Variants in RYR3 observed in about 807,000 individuals in gnomAD.
The protein encoded by RYR3 is brain ryanodine receptor-calcium release channel.
RYR3 carries 207 observed loss-of-function variants against 584.3 expected under a neutral mutation model. That is an observed-to-expected ratio of 0.35 (90% CI 0.32 to 0.40). The LOEUF (loss-of-function observed/expected upper bound fraction) is 0.40, where lower values mean the gene tolerates loss of function less well. Among genes scored for constraint, RYR3 ranks in the 10% least tolerant of loss-of-function variants. RYR3 has a pLI of 1.00. For synonymous variants in RYR3, 2,416 were observed against 2,248.5 expected (o/e 1.07, Z -2.11); for missense variants, 5,616 against 6,089.2 (o/e 0.92, Z 2.59).
In RYR3 at chr15:33,739,824, C is replaced by T; in HGVS notation, c.7657-8C>T. On this transcript the variant is annotated splice_polypyrimidine_tract_variant and splice_region_variant and intron_variant, in intron 50 of 103. Transcript: ENST00000634891. ...CTCTACTAATGTGGCCTTGTTTTTC[C>T]CTCACAGAAATATGACCCAGATCTT... is the stretch of plus-strand genomic sequence containing the variant. 6.2e-7 allele frequency: 1 copy of T among 1,610,520 alleles called. No individual in the cohort carries two copies. The highest frequency in any genetic ancestry group is 8.5e-7 in the Non-Finnish European group (1 of 1,177,820).
chr15:33,606,783 G>A (rs2059929534), intron 18 of RYR3, among the ~76,000 whole-genome samples: 1 of 152,066 alleles, frequency 6.6e-6, no homozygotes, highest in African/African-American at 2.4e-5. Context: ...TTACTGGCTG[G>A]GGGAAGTTTC....
chr15:33,780,173 G>C, intron 64 of RYR3, 38 bp from the exon 65 acceptor site: 2 of 1,605,172 alleles, frequency 1.2e-6, no homozygotes, highest in Non-Finnish European at 1.7e-6. Flanking sequence ...GCCAGCATGT[G>C]GGGGGCCACA....
chr15:33,841,975 G>C lies in RYR3; in HGVS notation c.13149G>C (p.Lys4383Asn). ...KKRRCGQKVE[K>N]PEAFTANFFK... ...GGCGGTGTGGTCAGAAGGTTGAGAA[G>C]CCGGAAGCTTTCACAGCCAATTTCT... Residue 4383 changes from lysine (K) to asparagine (N), a missense_variant, in exon 91 of 104, where the codon AAG (lysine) becomes AAC (asparagine). Transcript: ENST00000634891. 6.2e-7 allele frequency: 1 copy of C among 1,603,580 alleles called. No homozygotes were observed. The highest frequency in any genetic ancestry group is 8.5e-7 in the Non-Finnish European group (1 of 1,174,902).
chr15:33,646,376 A>G lies in RYR3; in HGVS notation c.3791A>G (p.Asp1264Gly), dbSNP rs1257924709. The change falls in exon 29 of 104, where the codon GAC becomes GGC. Residue 1264 changes from aspartate to glycine, a missense_variant. Transcript: ENST00000634891. ...GTCATGAGGATTGATGGCACCATGG[A>G]CAGCCCTCCGTGTCTCAAGGTGACG... ...IEVMRIDGTMDSPPCLKVTHK... is the reference protein window; with the variant it reads ...IEVMRIDGTMGSPPCLKVTHK... The G allele has an allele frequency of 8.7e-6, 14 of 1,611,356 alleles. No individual in the cohort carries two copies. The South Asian group carries it at 1.3e-4, about 15-fold the overall frequency.
At chr15:33,501,621 C>T (rs1244955015) in intron 2 of RYR3, among the ~76,000 whole-genome samples, 2 of 152,122 alleles carry the variant, frequency 1.3e-5, no homozygotes, top group South Asian at 2.1e-4. Context: ...GTTCTGGGAA[C>T]ATGAAATTCA....
At chr15:33,646,269 G>A in intron 28 of RYR3, 82 bp from the exon 29 acceptor site, 1 of 1,244,874 alleles carries the variant, frequency 8.0e-7, no homozygotes, top group Non-Finnish European at 1.1e-6. Context: ...GCCTTGCCAT[G>A]TGCATGTCCA....
In RYR3 at chr15:33,865,414, T is replaced by C; in HGVS notation, c.*188T>C. ...TTTTGTGCCTAATGGACATACACTG[T>C]GGGAGAGAACCTGTCAAAATGTCGA... On this transcript the variant is annotated 3_prime_UTR_variant, in exon 104 of 104. Coordinates refer to ENST00000634891, the MANE Select transcript of RYR3 (RefSeq NM_001036.6). The C allele has an allele frequency of 1.8e-6, 1 of 545,332 alleles. No homozygotes were observed. Among genetic ancestry groups the C allele is most frequent in the East Asian group, 2.9e-5 (1 of 34,344 alleles). 33.8% of individuals were successfully genotyped at this position (545,332 alleles called of 1,614,324 possible).
chr15:33,602,195 AAGACCTG>A (rs1289031459), intron 17 of RYR3, among the ~76,000 whole-genome samples: 1 of 152,194 alleles, frequency 6.6e-6, no homozygotes. Context: ...GAGTGGCCCA[AAGACCTG>A]AGCTGTCACA....
chr15:33,655,865 G>A (rs2062798097), intron 32 of RYR3, among the ~76,000 whole-genome samples: 1 of 152,128 alleles, frequency 6.6e-6, no homozygotes, highest in Non-Finnish European at 1.5e-5. Context: ...ATTATGTCAA[G>A]AAGAACAGTC....
intron 48 of RYR3, among the ~76,000 whole-genome samples, chr15:33,734,569 C>G (rs949951991): frequency 6.6e-6 from 1 of 152,128 alleles, no homozygotes; most frequent in Non-Finnish European, 1.5e-5. Flanking sequence ...CCACATCAAC[C>G]AAGGACCCCT....
At chr15:33,472,406 C>G (rs935241593) in intron 1 of RYR3, among the ~76,000 whole-genome samples, 9 of 152,188 alleles carry the variant, frequency 5.9e-5, no homozygotes, top group Admixed American at 5.9e-4. Flanking sequence ...TGACACTTTC[C>G]AACAAGACAA....
chr15:33,664,860 T>C (rs1482568310), intron 36 of RYR3, among the ~76,000 whole-genome samples: 1 of 152,106 alleles, frequency 6.6e-6, no homozygotes, highest in Admixed American at 6.6e-5. Context: ...TCCTAACCTA[T>C]TTTAAAACGT....
intron 78 of RYR3, among the ~76,000 whole-genome samples, 170 bp downstream of exon 78, chr15:33,820,982 A>G (rs1488150558): frequency 2.3e-5 from 1 of 43,084 alleles, no homozygotes; most frequent in African/African-American, 1.3e-4. Flanking sequence ...GAAAACAAAC[A>G]CATTTTAATG....
Position 33,699,833 on chromosome 15 carries a change from G to T in RYR3, c.6379G>T (p.Ala2127Ser). 1 of 1,611,160 alleles carries T rather than the reference G, an allele frequency of 6.2e-7. No individual in the cohort carries two copies. The highest frequency in any genetic ancestry group is 8.5e-7 in the Non-Finnish European group (1 of 1,177,722). The change falls in exon 41 of 104, where the codon GCC becomes TCC. Residue 2127 changes from alanine (A) to serine (S), a missense_variant and splice_region_variant. Around this residue, in one of 9 missense-constraint regions of RYR3, gnomAD observed 1,280 missense variants for 1,426.2 expected, o/e 0.90. Coordinates refer to ENST00000634891, the MANE Select transcript of RYR3 (RefSeq NM_001036.6). ...TCTGGAGAATAGCAGTGTTGGCCTA[G>T]GTGCGTAAGTCTTCTTGTAACTTCC... Reference protein sequence around the residue: ...YLLENSSVGLASPSMRGSTPL... With the variant: ...YLLENSSVGLSSPSMRGSTPL...
chr15:33,813,618 G>T lies in RYR3; in HGVS notation c.10502+39G>T, dbSNP rs370526301. 6.8e-6 allele frequency: 10 copies of T among 1,464,262 alleles called. No individual in the cohort carries two copies. In the African/African-American group the frequency reaches 1.1e-4, roughly 16 times the overall value. 90.7% of individuals were successfully genotyped at this position (1,464,262 alleles called of 1,614,324 possible). A position where few individuals can be genotyped will look rare whatever the true frequency, so the allele number is the denominator to read the frequency against. On this transcript the variant is annotated intron_variant, in intron 74 of 103. Coordinates refer to ENST00000634891, the MANE Select transcript of RYR3 (RefSeq NM_001036.6). Reference sequence around the variant, plus strand: ...CTTTTTTCCTGGCATGTAAGCCAGCGATGGGAATGGAGGTATCCTCCCACA... The same window carrying T: ...CTTTTTTCCTGGCATGTAAGCCAGCTATGGGAATGGAGGTATCCTCCCACA...
intron 1 of RYR3, chr15:33,467,610 T>C: frequency 3.2e-6 from 1 of 313,788 alleles, no homozygotes. Flanking sequence ...TGTGACAATG[T>C]GAAATCTAAG....
At chr15:33,440,224 C>T (rs181413243) in intron 1 of RYR3, among the ~76,000 whole-genome samples, 151 of 152,276 alleles carry the variant, frequency 9.9e-4, no homozygotes, top group South Asian at 3.7e-3. Context: ...GAAATCAAGG[C>T]TGCAGTGAGC....
intron 1 of RYR3, among the ~76,000 whole-genome samples, chr15:33,450,918 T>C (rs572823084): frequency 1.3e-5 from 2 of 152,198 alleles, no homozygotes; most frequent in Admixed American, 1.3e-4. Context: ...CCTACTCCCA[T>C]TCCCTCAGAG....
At position 33,670,505 on chromosome 15, in the gene RYR3, C is replaced by T. The variant is rs773859689; in HGVS notation, c.5809C>T (p.Pro1937Ser). Residue 1937 changes from proline (P) to serine (S), a missense_variant, in exon 38 of 104, where the codon CCA (proline) becomes TCA (serine). By Grantham distance (74) the Pro-to-Ser change is moderately conservative. Transcript: ENST00000634891. ...TGCCTTGGTTTACAAAATCAAAGGCCCACCCAAGCCAGAGAAGGAGCAGCC... is the reference window on the plus strand; with the variant it reads ...TGCCTTGGTTTACAAAATCAAAGGCTCACCCAAGCCAGAGAAGGAGCAGCC... The part of the protein sequence containing the change: ...LCALVYKIKG[P>S]PKPEKEQPTE... 6.2e-7 allele frequency: 1 copy of T among 1,603,724 alleles called. No homozygotes were observed. The highest frequency in any genetic ancestry group is 1.1e-5 in the South Asian group (1 of 88,874).
Sources: allele counts gnomAD v4.1 joint callset (sites outside exome capture counted in the v4.1 genomes callset), GRCh38; gene constraint gnomAD v4.1.1; regional missense constraint gnomAD v4.1.1; transcripts MANE v1.5; gene names NCBI Gene and HGNC (gene_info 2026-07-23, HGNC 2026-07-21).